P2RY12: variants seen among roughly 807,000 people sequenced by gnomAD.
P2RY12 encodes the protein P2Y purinoceptor 12.
P2RY12 carries 3 observed loss-of-function variants against 4.5 expected under a neutral mutation model. That is an observed-to-expected ratio of 0.67 (90% CI 0.31 to 1.74). P2RY12 has a LOEUF of 1.74. P2RY12 is among the 40% of genes most tolerant of loss of function. The pLI is 0.09. For missense variants in P2RY12, 356 were observed against 407.8 expected (o/e 0.87, Z 1.09); for synonymous variants, 148 against 154.1 (o/e 0.96, Z 0.29).
intron 1 of P2RY12, among the ~76,000 whole-genome samples, chr3:151,357,886 A>G (rs6790448): frequency 0.42 from 64,501 of 152,016 alleles, 14,179 homozygotes; most frequent in African/African-American, 0.54. Context: ...TACTCTACTA[A>G]TGAAGTTGAG....
intron 1 of P2RY12, chr3:151,377,996 C>G: frequency 1.3e-6 from 2 of 1,581,854 alleles, no homozygotes; most frequent in Non-Finnish European, 1.7e-6. Context: ...GGTGTAACAC[C>G]TGTTTCTGAT....
rs766252052 is a variant in P2RY12 at position 151,360,611 on chromosome 3, T to C, written c.-179-19851A>G. 101 of 1,606,928 alleles carry C rather than the reference T, an allele frequency of 6.3e-5. 1 individual carries two copies. The South Asian group carries it at 1.1e-3, about 18-fold the overall frequency. ...AAATTTGGAGACCTCTTCAGGTGAGTAGAAGAGACTCAAAAGGACAGAAAT... is the reference window on the plus strand; with the variant it reads ...AAATTTGGAGACCTCTTCAGGTGAGCAGAAGAGACTCAAAAGGACAGAAAT... On this transcript the variant is annotated intron_variant, in intron 1 of 2. Transcript: ENST00000302632.
intron 1 of P2RY12, among the ~76,000 whole-genome samples, chr3:151,345,296 A>G (rs1335177471): frequency 6.6e-6 from 1 of 152,204 alleles, no homozygotes; most frequent in African/African-American, 2.4e-5. Flanking sequence ...CAACAACTGT[A>G]TCCTTGAGGG....
rs1752435589 is a variant in P2RY12, at chr3:151,345,588, G to A, written c.-179-4828C>T. Among the ~76,000 whole-genome samples, 6 of 149,824 alleles carry A rather than the reference G, an allele frequency of 4.0e-5. No individual in the cohort carries two copies. The South Asian group carries it at 1.3e-3, about 32-fold the overall frequency. On this transcript the variant is annotated intron_variant, in intron 1 of 2. Coordinates refer to ENST00000302632, the MANE Select transcript of P2RY12 (RefSeq NM_022788.5). The stretch of plus-strand genomic sequence containing the variant: ...GCTGGAGTGCAATGGCACCATCTCG[G>A]CTCACTGCAACCTCTGCCTCCCAGG...
intron 1 of P2RY12, chr3:151,376,345 C>G: frequency 1.4e-6 from 1 of 722,326 alleles, no homozygotes; most frequent in Non-Finnish European, 2.1e-6. Flanking sequence ...CACACATTTT[C>G]TGTGGAATTG....
At chr3:151,365,777 A>C in intron 1 of P2RY12, 1 of 1,265,070 alleles carries the variant, frequency 7.9e-7, no homozygotes, top group Non-Finnish European at 1.1e-6. Context: ...AATATATGTT[A>C]ATTAAGTATA....
rs140109740 is a variant in P2RY12 at position 151,355,906 on chromosome 3, A to G, written c.-179-15146T>C. 111 of 1,609,978 alleles carry G rather than the reference A, an allele frequency of 6.9e-5. No individual in the cohort carries two copies. The highest frequency in any genetic ancestry group is 2.5e-4 in the Admixed American group (15 of 58,848). On this transcript the variant is annotated intron_variant, in intron 1 of 2. Transcript: ENST00000302632. ...TTTTTATTTGCACAGATTTCTAACA[A>G]TGTGCTAGAACAAATCACAAGCTTT... is the stretch of plus-strand genomic sequence containing the variant.
intron 1 of P2RY12, among the ~76,000 whole-genome samples, chr3:151,344,021 G>T (rs1752233544): frequency 6.6e-6 from 1 of 152,068 alleles, no homozygotes; most frequent in South Asian, 2.1e-4. Context: ...TTTATCCATT[G>T]GAATATAGAA....
At chr3:151,355,129 G>A (rs2150047615) in intron 1 of P2RY12, 5 of 1,613,188 alleles carry the variant, frequency 3.1e-6, no homozygotes, top group Non-Finnish European at 3.4e-6. Flanking sequence ...AGTTGGGGAC[G>A]AAGGACAAAA....
intron 1 of P2RY12, among the ~76,000 whole-genome samples, chr3:151,351,585 A>G (rs1343214623): frequency 6.6e-6 from 1 of 152,232 alleles, no homozygotes; most frequent in African/African-American, 2.4e-5. Flanking sequence ...TAGAGAAAAG[A>G]GGAAACAGTT....
chr3:151,372,964 A>G (rs1756376029), intron 1 of P2RY12, among the ~76,000 whole-genome samples: 2 of 152,182 alleles, frequency 1.3e-5, no homozygotes, highest in African/African-American at 4.8e-5. Flanking sequence ...CGGATTTACT[A>G]ATTTTTACAT....
chr3:151,338,052 C>G lies in P2RY12; in HGVS notation c.794G>C (p.Arg265Pro), dbSNP rs755459581. ...ARIPYTLSQT[R>P]DVFDCTAENT... ...TTCAGCAGTGCAGTCAAAGACATCCCGGGTTTGGCTCAGGGTGTAAGGAAT... is the reference window on the plus strand; with the variant it reads ...TTCAGCAGTGCAGTCAAAGACATCCGGGGTTTGGCTCAGGGTGTAAGGAAT... The change falls in exon 3 of 3, where the codon CGG becomes CCG. Residue 265 changes from arginine to proline, a missense_variant. Transcript: ENST00000302632. The G allele has an allele frequency of 4.7e-5, 76 of 1,613,896 alleles. No homozygotes were observed. Among genetic ancestry groups the G allele is most frequent in the Non-Finnish European group, 6.2e-5 (73 of 1,179,954 alleles).
chr3:151,376,233 G>T, intron 1 of P2RY12: 4 of 1,379,772 alleles, frequency 2.9e-6, no homozygotes, highest in Non-Finnish European at 3.8e-6. Flanking sequence ...TATACAGATT[G>T]TGTTTCTGTC....
intron 1 of P2RY12, chr3:151,367,875 A>T: frequency 7.9e-7 from 1 of 1,271,842 alleles, no homozygotes; most frequent in Non-Finnish European, 1.1e-6. Flanking sequence ...GTATATTGGG[A>T]AGTGGTGTAG....
chr3:151,337,845 C>G lies in P2RY12; in HGVS notation c.1001G>C (p.Gly334Ala). 6.2e-7 allele frequency: 1 copy of G among 1,614,042 alleles called. No individual in the cohort carries two copies. Residue 334 changes from glycine (G) to alanine (A), a missense_variant, in exon 3 of 3, where the codon GGT (glycine) becomes GCT (alanine). Gly to Ala is a moderately conservative substitution (Grantham distance 60). Coordinates refer to ENST00000302632, the MANE Select transcript of P2RY12 (RefSeq NM_022788.5). ...CATTGGAGTCTCTTCATTTGGGTCACCACCATCCTGTTCTTTTTTCCTATT... is the reference window on the plus strand; with the variant it reads ...CATTGGAGTCTCTTCATTTGGGTCAGCACCATCCTGTTCTTTTTTCCTATT... The part of the protein sequence containing the change: ...QDNRKKEQDG[G>A]DPNEETPM
intron 1 of P2RY12, among the ~76,000 whole-genome samples, chr3:151,381,703 G>T (rs955772317): frequency 6.6e-6 from 1 of 152,108 alleles, no homozygotes; most frequent in African/African-American, 2.4e-5. Flanking sequence ...CAAACCACTT[G>T]TTACACTTAG....
chr3:151,356,622 TG>T (rs1249347821), intron 1 of P2RY12, among the ~76,000 whole-genome samples: 1 of 152,034 alleles, frequency 6.6e-6, no homozygotes, highest in Non-Finnish European at 1.5e-5. Flanking sequence ...GTGTTTCTTC[TG>T]TTTTTTTTTG....
At chr3:151,365,014 A>G (rs774021795) in intron 1 of P2RY12, 4 of 1,614,086 alleles carry the variant, frequency 2.5e-6, no homozygotes, top group Non-Finnish European at 3.4e-6. Context: ...ACCATATATA[A>G]TAACGTGATG....
chr3:151,380,925 T>C (rs1052990492), intron 1 of P2RY12, among the ~76,000 whole-genome samples: 1 of 152,182 alleles, frequency 6.6e-6, no homozygotes, highest in African/African-American at 2.4e-5. Flanking sequence ...TTGAAATCTG[T>C]AGGTTCAGAA....
Sources: gnomAD v4.1 joint callset for allele counts (sites outside exome capture counted in the v4.1 genomes callset) on GRCh38, gnomAD v4.1.1 for gene constraint, MANE v1.5 for transcripts, NCBI Gene and HGNC (gene_info 2026-07-23, HGNC 2026-07-21) for gene names.